CPEB2: variants seen among roughly 807,000 people sequenced by gnomAD.
The protein encoded by CPEB2 is cytoplasmic polyadenylation element binding protein 2.
CPEB2 carries 56 observed loss-of-function variants against 93.6 expected under a neutral mutation model. The observed-to-expected ratio is 0.60, with a 90% CI of 0.48 to 0.75. CPEB2 has a LOEUF of 0.75. CPEB2 is among the 30% of genes least tolerant of loss of function. The pLI, the probability that CPEB2 is intolerant of heterozygous loss-of-function variation, is 0.00. For missense variants in CPEB2, 1,579 were observed against 1,395.1 expected (o/e 1.13, Z -2.10); for synonymous variants, 764 against 586.3 (o/e 1.30, Z -4.38).
rs137886542 is a variant in CPEB2 at position 15,012,076 on chromosome 4, A to G, written c.2034+3649A>G. Among the ~76,000 whole-genome samples the G allele has an allele frequency of 4.1e-3, 630 of 152,380 alleles. 3 individuals are homozygous for G. The highest frequency in any genetic ancestry group is 0.015 in the African/African-American group (609 of 41,592). On this transcript the variant is annotated intron_variant, in intron 3 of 11. Coordinates refer to ENST00000538197, the MANE Select transcript of CPEB2 (RefSeq NM_001177382.2). ...ACACAAAAAAACAGTATATAGTTGC[A>G]TACCAAACCCAATTTGTTTATCTGA... is the stretch of plus-strand genomic sequence containing the variant.
At position 15,007,320 on chromosome 4, in the gene CPEB2, T is replaced by C; in HGVS notation, c.1678T>C (p.Ser560Pro). 6.7e-7 allele frequency: 1 copy of C among 1,501,396 alleles called. No homozygotes were observed. Among genetic ancestry groups the C allele is most frequent in the Non-Finnish European group, 9.0e-7 (1 of 1,115,746 alleles). The allele number at this position is 1,501,396 out of a possible 1,614,324, so 93.0% of individuals were successfully genotyped here. The change falls in exon 2 of 12, where the codon TCT (serine) becomes CCT (proline). Residue 560 changes from serine (S) to proline (P), a missense_variant. Around this residue, in one of 2 missense-constraint regions of CPEB2, gnomAD observed 1,411 missense variants for 1,056.0 expected, o/e 1.34. Transcript: ENST00000538197. ...TTTTCCCTAGCCTCTTCTGAAACAG[T>C]CTCCCTGGAGCAACCATCAGAGCAG... ...YNHHQPLLKQ[S>P]PWSNHQSSGW...
At position 15,011,536 on chromosome 4, in the gene CPEB2, G is replaced by C. The variant is rs535398939; in HGVS notation, c.2034+3109G>C. On this transcript the variant is annotated intron_variant, in intron 3 of 11. Coordinates refer to ENST00000538197, the MANE Select transcript of CPEB2 (RefSeq NM_001177382.2). ...ACAATGGAATTTGCAGCCAGATCCA[G>C]CAATGTGCACTACTTGGAAGGCTGA... Among the ~76,000 whole-genome samples, 11 of 152,248 alleles carry C rather than the reference G, an allele frequency of 7.2e-5. No homozygotes were observed. In the East Asian group the frequency reaches 2.1e-3, roughly 29 times the overall value.
intron 6 of CPEB2, among the ~76,000 whole-genome samples, chr4:15,044,207 A>G (rs189411468): frequency 1.3e-5 from 2 of 152,364 alleles, no homozygotes; most frequent in East Asian, 3.9e-4. Context: ...TTTTGTAAAC[A>G]AAGTTTTATT....
intron 1 of CPEB2, 66 bp downstream of exon 1, chr4:15,004,401 G>C (rs1722498179): frequency 8.1e-7 from 1 of 1,228,220 alleles, no homozygotes; most frequent in African/African-American, 1.6e-5. Context: ...ACGGAGGCGG[G>C]GGCAGGGCAG....
intron 6 of CPEB2, among the ~76,000 whole-genome samples, chr4:15,044,793 T>C (rs1245301985): frequency 6.6e-6 from 1 of 152,184 alleles, no homozygotes; most frequent in African/African-American, 2.4e-5. Context: ...TAACCACCTA[T>C]AACTTCTCTA....
At chr4:15,060,243 G>T (rs1221190435) in intron 10 of CPEB2, among the ~76,000 whole-genome samples, 1 of 152,116 alleles carries the variant, frequency 6.6e-6, no homozygotes, top group Non-Finnish European at 1.5e-5. Flanking sequence ...GAGGGAAGGG[G>T]TCAAATCATA....
Position 15,066,149 on chromosome 4 carries a change from C to T in CPEB2, c.2878-4C>T, listed in dbSNP as rs1261148210. The T allele has an allele frequency of 6.3e-7, 1 of 1,599,416 alleles. No homozygotes were observed. On this transcript the variant is annotated splice_region_variant and splice_polypyrimidine_tract_variant and intron_variant, in intron 11 of 11. Transcript: ENST00000538197. ...AATGAGACTTAACTTTCTTTTTTTTCAAGGTGGAGGTAAAGCCATATGTGC... is the reference window on the plus strand; with the variant it reads ...AATGAGACTTAACTTTCTTTTTTTTTAAGGTGGAGGTAAAGCCATATGTGC...
chr4:15,049,537 G>T (rs1479281388), intron 6 of CPEB2, among the ~76,000 whole-genome samples: 1 of 152,012 alleles, frequency 6.6e-6, no homozygotes, highest in Non-Finnish European at 1.5e-5. Flanking sequence ...ACCTTTAAAA[G>T]TTTGACCAGT....
intron 6 of CPEB2, among the ~76,000 whole-genome samples, chr4:15,046,237 T>C: frequency 6.6e-6 from 1 of 152,216 alleles, no homozygotes; most frequent in East Asian, 1.9e-4. Flanking sequence ...CCTTTTTTTT[T>C]TGAGATGGAG....
chr4:15,028,694 A>G (rs566971892), intron 4 of CPEB2, among the ~76,000 whole-genome samples: 2 of 151,828 alleles, frequency 1.3e-5, no homozygotes, highest in South Asian at 2.1e-4. Flanking sequence ...GAATGAAGTG[A>G]GAGGTGCAAG....
In CPEB2 at chr4:15,068,823, G is replaced by A. The variant is rs1425823618; in HGVS notation, c.*2443G>A. On this transcript the variant is annotated 3_prime_UTR_variant, in exon 12 of 12. Coordinates refer to ENST00000538197, the MANE Select transcript of CPEB2 (RefSeq NM_001177382.2). ...TGCCACGGGTAAAAATAACAGAAAT[G>A]TATGGTTTGTTTTACCTTCATTTCT... 2.0e-5 allele frequency: 3 copies of A among 152,154 alleles called. No homozygotes were observed. Among genetic ancestry groups the A allele is most frequent in the Non-Finnish European group, 4.4e-5 (3 of 67,812 alleles). 9.4% of individuals were successfully genotyped at this position (152,154 alleles called of 1,614,324 possible).
chr4:15,049,831 T>G (rs1728054492), intron 6 of CPEB2, among the ~76,000 whole-genome samples: 3 of 152,228 alleles, frequency 2.0e-5, no homozygotes, highest in Non-Finnish European at 2.9e-5. Context: ...TCTGTTGTTG[T>G]GTCTTATAAA....
At chr4:15,015,063 T>C (rs971831082) in intron 3 of CPEB2, among the ~76,000 whole-genome samples, 1 of 152,094 alleles carries the variant, frequency 6.6e-6, no homozygotes, top group Non-Finnish European at 1.5e-5. Flanking sequence ...TAGAGAGATT[T>C]AGTGACTTCA....
At chr4:15,030,614 G>A (rs1459708310) in intron 4 of CPEB2, among the ~76,000 whole-genome samples, 11 of 151,970 alleles carry the variant, frequency 7.2e-5, no homozygotes, top group Admixed American at 7.2e-4. Flanking sequence ...GTTAACCTAT[G>A]AAGATGCATT....
At position 15,003,254 on chromosome 4, in the gene CPEB2, A is replaced by C. The variant is rs1577345263; in HGVS notation, c.581A>C (p.Lys194Thr). The part of the protein sequence containing the change: ...PPHLPHPPDS[K>T]PPPPPPPLHC... ...CACCTTCCCCACCCTCCGGACTCGA[A>C]GCCGCCGCCGCCGCCTCCGCCGCTC... Residue 194 changes from lysine (K) to threonine (T), a missense_variant, in exon 1 of 12, where the codon AAG becomes ACG. Lys to Thr is a moderately conservative substitution (Grantham distance 78). This residue lies in a region of CPEB2 where 1,411 missense variants were observed against 1,056.0 expected (regional missense o/e 1.34). Transcript: ENST00000538197. The C allele has an allele frequency of 6.6e-7, 1 of 1,520,970 alleles. No homozygotes were observed. The highest frequency in any genetic ancestry group is 8.8e-7 in the Non-Finnish European group (1 of 1,140,966). 94.2% of individuals were successfully genotyped at this position (1,520,970 alleles called of 1,614,324 possible).
intron 11 of CPEB2, among the ~76,000 whole-genome samples, chr4:15,065,856 T>C (rs1002777271): frequency 5.9e-5 from 9 of 152,252 alleles, no homozygotes; most frequent in African/African-American, 2.2e-4. Flanking sequence ...CCATGACTAC[T>C]TGATATCTCT....
At position 15,002,601 on chromosome 4, in the gene CPEB2, C is replaced by A. The variant is rs1722095243; in HGVS notation, c.-73C>A. 7.6e-7 allele frequency: 1 copy of A among 1,310,934 alleles called. No individual in the cohort carries two copies. Among genetic ancestry groups the A allele is most frequent in the East Asian group, 2.8e-5 (1 of 36,118 alleles). The allele number at this position is 1,310,934 out of a possible 1,614,324, so 81.2% of individuals were successfully genotyped here. ...CCCTCCTTCCACCACGGCCGCGCAA[C>A]CCCAGCGCCGGCGGCTTCCTAGGTG... On this transcript the variant is annotated 5_prime_UTR_variant, in exon 1 of 12. Coordinates refer to ENST00000538197, the MANE Select transcript of CPEB2 (RefSeq NM_001177382.2).
At position 15,003,634 on chromosome 4, in the gene CPEB2, C is replaced by T; in HGVS notation, c.961C>T (p.Leu321=). ...CTCCATGGAGTCCCCCAACCACCCTCTGCTCAACAGTCCCAGTAACCTCCT... is the reference window on the plus strand; with the variant it reads ...CTCCATGGAGTCCCCCAACCACCCTTTGCTCAACAGTCCCAGTAACCTCCT... ...PGSMESPNHP[L]LNSPSNLLPG... The change falls in exon 1 of 12, where the codon CTG becomes TTG. Residue 321 remains leucine, a synonymous_variant. Coordinates refer to ENST00000538197, the MANE Select transcript of CPEB2 (RefSeq NM_001177382.2). The T allele has an allele frequency of 1.3e-6, 2 of 1,482,636 alleles. No homozygotes were observed. The highest frequency in any genetic ancestry group is 2.2e-5 in the Admixed American group (1 of 44,492). The allele number at this position is 1,482,636 out of a possible 1,614,324, so 91.8% of individuals were successfully genotyped here.
rs1729770033 is a variant in CPEB2, at chr4:15,067,258, C to A, written c.*878C>A. 6.6e-6 allele frequency: 1 copy of A among 152,452 alleles called. No individual in the cohort carries two copies. Among genetic ancestry groups the A allele is most frequent in the Non-Finnish European group, 1.5e-5 (1 of 67,980 alleles). 9.4% of individuals were successfully genotyped at this position (152,452 alleles called of 1,614,324 possible). On this transcript the variant is annotated 3_prime_UTR_variant, in exon 12 of 12. Coordinates refer to ENST00000538197, the MANE Select transcript of CPEB2 (RefSeq NM_001177382.2). ...AAATTTGTTTAAAAAAGCAAACTTG[C>A]ATGCATTATTGTGACTTCAAGTTTA...
Sources: gnomAD v4.1 joint callset for allele counts (sites outside exome capture counted in the v4.1 genomes callset) on GRCh38, gnomAD v4.1.1 for gene constraint, gnomAD v4.1.1 regional missense constraint, MANE v1.5 for transcripts, NCBI Gene and HGNC (gene_info 2026-07-23, HGNC 2026-07-21) for gene names.